Variants in RAD51B observed in about 807,000 individuals in gnomAD.
RAD51B encodes RAD51 paralog B.
Under a neutral mutation model 42.2 loss-of-function variants are expected in RAD51B, and 38 were observed. That is an observed-to-expected ratio of 0.90 (90% CI 0.70 to 1.18). The LOEUF is 1.18. Ranked by LOEUF, RAD51B falls within the 50% of genes most tolerant of loss-of-function variation. RAD51B has a pLI of 0.00. For missense variants in RAD51B, 373 were observed against 400.7 expected, an observed-to-expected ratio of 0.93 and a Z score of 0.59; for synonymous variants, 154 against 145.2, an observed-to-expected ratio of 1.06 and a Z score of -0.43.
chr14:68,253,910 C>A (rs149104233), intron 7 of RAD51B, among the ~76,000 whole-genome samples: 81 of 152,258 alleles, frequency 5.3e-4, no homozygotes, highest in African/African-American at 1.8e-3. Context: ...CCTGCTCTGT[C>A]TTAACAATTA....
In RAD51B at chr14:67,858,408, C is replaced by T. The variant is rs75979842; in HGVS notation, c.316-6595C>T. 9.1e-3 allele frequency among the ~76,000 whole-genome samples: 1,384 copies of T among 152,260 alleles called. 21 individuals carry two copies. Among genetic ancestry groups the T allele is most frequent in the African/African-American group, 0.031 (1,292 of 41,536 alleles). On this transcript the variant is annotated intron_variant, in intron 4 of 10. Transcript: ENST00000471583. ...CCCTAAAGTTGGGTCATCTCTTCCC[C>T]GAAGTCCAGCTGTCTTACCCAAAGT...
At chr14:68,413,093 C>T (rs1244119243) in intron 9 of RAD51B, among the ~76,000 whole-genome samples, 3 of 152,142 alleles carry the variant, frequency 2.0e-5, no homozygotes, top group African/African-American at 7.2e-5. Context: ...GGGTTCAAGG[C>T]TCCCAAATCC....
At chr14:68,673,522 A>ATG (rs1566969448) in intron 11 of RAD51B, among the ~76,000 whole-genome samples, 2 of 151,786 alleles carry the variant, frequency 1.3e-5, no homozygotes, top group South Asian at 4.2e-4. Context: ...ACACATATGT[A>ATG]CGCGCACACA....
At chr14:67,958,136 ACAT>A (rs2140222886) in intron 7 of RAD51B, among the ~76,000 whole-genome samples, 1 of 152,302 alleles carries the variant, frequency 6.6e-6, no homozygotes, top group Admixed American at 6.5e-5. Context: ...TGTCTGTGTC[ACAT>A]CATCTGCTCT....
At chr14:68,313,207 C>T (rs1308210528) in intron 8 of RAD51B, among the ~76,000 whole-genome samples, 6 of 152,146 alleles carry the variant, frequency 3.9e-5, no homozygotes, top group South Asian at 4.1e-4. Context: ...CTGTGGGGGC[C>T]GTCCCATCTG....
intron 10 of RAD51B, among the ~76,000 whole-genome samples, chr14:68,543,674 G>A (rs140252781): frequency 6.6e-6 from 1 of 152,260 alleles, no homozygotes; most frequent in African/African-American, 2.4e-5. Flanking sequence ...CATTGTTTTG[G>A]CCCACAGCTT....
intron 7 of RAD51B, among the ~76,000 whole-genome samples, chr14:67,896,351 T>A (rs2043417821): frequency 6.6e-6 from 1 of 152,334 alleles, no homozygotes; most frequent in Middle Eastern, 3.4e-3. Context: ...AAACTGAATG[T>A]AGAAGATTTG....
chr14:68,484,909 G>T (rs1028546626), intron 10 of RAD51B, among the ~76,000 whole-genome samples: 10 of 152,164 alleles, frequency 6.6e-5, no homozygotes, highest in African/African-American at 2.4e-4. Context: ...GGCTCACCCT[G>T]TGTTTCTCTC....
intron 7 of RAD51B, among the ~76,000 whole-genome samples, chr14:68,274,262 T>C (rs2081178376): frequency 6.6e-6 from 1 of 152,226 alleles, no homozygotes; most frequent in South Asian, 2.1e-4. Context: ...ATTCAGTTAA[T>C]ATTTACATTA....
chr14:68,543,112 C>T (rs1339231546), intron 10 of RAD51B, among the ~76,000 whole-genome samples: 1 of 152,180 alleles, frequency 6.6e-6, no homozygotes. Context: ...GCCATATTGT[C>T]TCTGCCAACT....
At chr14:68,312,904 T>C (rs971318757) in intron 8 of RAD51B, among the ~76,000 whole-genome samples, 1 of 152,216 alleles carries the variant, frequency 6.6e-6, no homozygotes, top group Non-Finnish European at 1.5e-5. Flanking sequence ...ATTTGGTCTA[T>C]TGATGCAAAA....
At chr14:67,961,202 C>T (rs957130399) in intron 7 of RAD51B, among the ~76,000 whole-genome samples, 2 of 150,988 alleles carry the variant, frequency 1.3e-5, no homozygotes, top group African/African-American at 4.9e-5. Context: ...GGCAGAGTCT[C>T]GCTATGTTGC....
chr14:67,950,124 C>T (rs1225620573), intron 7 of RAD51B, among the ~76,000 whole-genome samples: 1 of 152,124 alleles, frequency 6.6e-6, no homozygotes, highest in Non-Finnish European at 1.5e-5. Context: ...GCATTAGCCT[C>T]TACCGAGAGA....
chr14:68,176,305 C>T (rs1431632413), intron 7 of RAD51B, among the ~76,000 whole-genome samples: 3 of 152,166 alleles, frequency 2.0e-5, no homozygotes, highest in Admixed American at 6.5e-5. Context: ...ATCCAAGATT[C>T]ACAATAGTAA....
At chr14:68,673,042 G>A (rs1412545760) in intron 11 of RAD51B, among the ~76,000 whole-genome samples, 1 of 152,166 alleles carries the variant, frequency 6.6e-6, no homozygotes, top group Non-Finnish European at 1.5e-5. Flanking sequence ...GTGCTGACTG[G>A]TTTCATGCAC....
chr14:68,156,938 C>T (rs1167845213), intron 7 of RAD51B, among the ~76,000 whole-genome samples: 2 of 152,120 alleles, frequency 1.3e-5, no homozygotes, highest in African/African-American at 4.8e-5. Context: ...TGCCTCATGC[C>T]TATAATCCTA....
intron 7 of RAD51B, among the ~76,000 whole-genome samples, chr14:67,993,821 G>A (rs1296764557): frequency 6.6e-6 from 1 of 151,994 alleles, no homozygotes; most frequent in Non-Finnish European, 1.5e-5. Flanking sequence ...AGTGTATGAG[G>A]GTTCTCTAGT....
chr14:68,658,674 C>T (rs941834806), intron 11 of RAD51B, among the ~76,000 whole-genome samples: 1 of 152,190 alleles, frequency 6.6e-6, no homozygotes, highest in Non-Finnish European at 1.5e-5. Context: ...GACTCTGCCT[C>T]AGGGTTCTCC....
intron 7 of RAD51B, among the ~76,000 whole-genome samples, chr14:68,201,869 G>T (rs2079492838): frequency 6.6e-6 from 1 of 152,124 alleles, no homozygotes; most frequent in Non-Finnish European, 1.5e-5. Context: ...TTCTGATTTG[G>T]ATTGGCATAG....
Sources: gnomAD v4.1 joint callset for allele counts (sites outside exome capture counted in the v4.1 genomes callset) on GRCh38, gnomAD v4.1.1 for gene constraint, MANE v1.5 for transcripts, NCBI Gene and HGNC (gene_info 2026-07-23, HGNC 2026-07-21) for gene names.